The following PRKDC variants were observed in gnomAD, a reference collection of about 807,000 sequenced individuals.
PRKDC encodes DNA-dependent protein kinase catalytic subunit.
A neutral mutation model predicts 486.9 loss-of-function variants in PRKDC; 82 were observed. The observed-to-expected ratio is 0.17, with a 90% confidence interval of 0.14 to 0.20. PRKDC has a LOEUF of 0.20. Among genes scored for constraint, PRKDC ranks in the 10% least tolerant of loss-of-function variants. The pLI, the probability that PRKDC is intolerant of heterozygous loss-of-function variation, is 1.00. For synonymous variants in PRKDC, 1,895 were observed against 1,837.0 expected (o/e 1.03, Z -0.81); for missense variants, 4,504 against 5,038.2 (o/e 0.89, Z 3.21).
Position 47,946,014 on chromosome 8 carries a change from G to A in PRKDC, c.722-1985C>T, listed in dbSNP as rs1199462197. Among the ~76,000 whole-genome samples, 9 of 149,802 alleles carry A rather than the reference G, an allele frequency of 6.0e-5. No individual in the cohort carries two copies. In the East Asian group the frequency reaches 1.1e-3, roughly 18 times the overall value. ...CGGGATTACAGGTGTGAGCCACCAC[G>A]CCCGGCCTACTTCTACTTTTTAAAC... On this transcript the variant is annotated intron_variant, in intron 7 of 85. Coordinates refer to ENST00000314191, the MANE Select transcript of PRKDC (RefSeq NM_006904.7).
Position 47,877,822 on chromosome 8 carries a change from G to A in PRKDC, c.5265C>T (p.Ser1755=). 1 of 1,564,672 alleles carries A rather than the reference G, an allele frequency of 6.4e-7. No homozygotes were observed. ...KFLDALELSQ[S]PMLLELMTEV... ...CTGTCATCAATTCCAACAACATAGGGCTTTGAGATAATTCCAATGCATCTA... is the reference window on the plus strand; with the variant it reads ...CTGTCATCAATTCCAACAACATAGGACTTTGAGATAATTCCAATGCATCTA... The change falls in exon 40 of 86, where the codon AGC becomes AGT. Residue 1755 remains serine, a synonymous_variant. Transcript: ENST00000314191.
chr8:47,957,779 G>T (rs768718849), intron 1 of PRKDC, among the ~76,000 whole-genome samples: 2 of 152,194 alleles, frequency 1.3e-5, no homozygotes, highest in African/African-American at 4.8e-5. Context: ...CTCCCAAAGT[G>T]CTGGGATTAC....
chr8:47,930,864 T>G, intron 16 of PRKDC, 77 bp from the exon 17 acceptor site: 1 of 1,384,162 alleles, frequency 7.2e-7, no homozygotes, highest in East Asian at 2.5e-5. Context: ...TCCAACTGAC[T>G]TCATGGTCAA....
chr8:47,941,037 C>T (rs1049950187), intron 10 of PRKDC, among the ~76,000 whole-genome samples: 2 of 150,580 alleles, frequency 1.3e-5, no homozygotes, highest in Non-Finnish European at 2.9e-5. Flanking sequence ...GGCTGAGGCA[C>T]GAGAATTGCT....
chr8:47,840,957 T>C (rs1426161191), intron 54 of PRKDC, among the ~76,000 whole-genome samples: 1 of 152,120 alleles, frequency 6.6e-6, no homozygotes, highest in Non-Finnish European at 1.5e-5. Context: ...TTCGAAGACA[T>C]CTTTGGAAAG....
rs752166512 is a variant in PRKDC at position 47,936,374 on chromosome 8, G to A, written c.1257C>T (p.Ser419=). The part of the protein sequence containing the change: ...QMPSFLQSVA[S]VLLYLDTVPE... ...TTACTGTGTCAAGGTACAGCAAGAC[G>A]CTTGCAACAGACTGGAGGAAGCTTG... is the stretch of plus-strand genomic sequence containing the variant. The change falls in exon 12 of 86, where the codon AGC becomes AGT. Residue 419 remains serine (S), a synonymous_variant. Coordinates refer to ENST00000314191, the MANE Select transcript of PRKDC (RefSeq NM_006904.7). 8.1e-6 allele frequency: 13 copies of A among 1,613,014 alleles called. No individual in the cohort carries two copies. Among genetic ancestry groups the A allele is most frequent in the African/African-American group, 4.0e-5 (3 of 74,900 alleles).
At chr8:47,780,848 G>T (rs1381097434) in intron 80 of PRKDC, among the ~76,000 whole-genome samples, 1 of 152,142 alleles carries the variant, frequency 6.6e-6, no homozygotes, top group Non-Finnish European at 1.5e-5. Context: ...TGAGGCAGGA[G>T]AATTGCTGGA....
rs2089503157 is a variant in PRKDC, at chr8:47,893,256, G to A, written c.3730C>T (p.Leu1244Phe). Residue 1244 changes from leucine (L) to phenylalanine (F), a missense_variant, in exon 31 of 86, where the codon CTT (leucine) becomes TTT (phenylalanine). Coordinates refer to ENST00000314191, the MANE Select transcript of PRKDC (RefSeq NM_006904.7). ...GILAQPTLLYLRGPFSLQATL... is the reference protein window; with the variant it reads ...GILAQPTLLYFRGPFSLQATL... ...GCCTGCAGGCTGAATGGCCCCCGAA[G>A]GTACAAGAGGGTGGGCTGGGCCAGG... 6.2e-7 allele frequency: 1 copy of A among 1,612,346 alleles called. No homozygotes were observed. The highest frequency in any genetic ancestry group is 1.7e-5 in the Admixed American group (1 of 59,762).
chr8:47,806,205 T>G (rs1356793562), intron 69 of PRKDC, among the ~76,000 whole-genome samples: 1 of 152,218 alleles, frequency 6.6e-6, no homozygotes, highest in Non-Finnish European at 1.5e-5. Flanking sequence ...TGTCATCATG[T>G]GTGCAGCCCC....
chr8:47,780,828 C>G (rs1163402667), intron 80 of PRKDC, among the ~76,000 whole-genome samples: 1 of 152,080 alleles, frequency 6.6e-6, no homozygotes, highest in Admixed American at 6.5e-5. Flanking sequence ...ATCTCAGCTA[C>G]TCGGAAGGCT....
intron 62 of PRKDC, among the ~76,000 whole-genome samples, chr8:47,827,865 C>G (rs111677945): frequency 2.6e-5 from 4 of 152,194 alleles, no homozygotes; most frequent in African/African-American, 9.6e-5. Context: ...TGGTGAAATA[C>G]TACATAAGGA....
chr8:47,780,515 G>A (rs2086681509), intron 80 of PRKDC, among the ~76,000 whole-genome samples: 1 of 152,218 alleles, frequency 6.6e-6, no homozygotes, highest in South Asian at 2.1e-4. Context: ...ACAGTTTCAC[G>A]TGTGACTTAG....
intron 38 of PRKDC, among the ~76,000 whole-genome samples, chr8:47,880,655 AAT>A (rs2089194059): frequency 6.6e-6 from 1 of 152,230 alleles, no homozygotes. Context: ...TTAATAGAAA[AAT>A]GACTGAGTAA....
chr8:47,834,168 T>G, intron 59 of PRKDC, 28 bp downstream of exon 59: 1 of 1,613,548 alleles, frequency 6.2e-7, no homozygotes. Context: ...GGGAAGCTAT[T>G]TTAAGCACAC....
chr8:47,877,941 TC>T, intron 39 of PRKDC, 90 bp from the exon 40 acceptor site: 4 of 949,800 alleles, frequency 4.2e-6, no homozygotes, highest in South Asian at 4.2e-5. Context: ...ATAAAAAGTT[TC>T]TTATATAATA....
At chr8:47,848,400 C>T (rs1415740408) in intron 54 of PRKDC, among the ~76,000 whole-genome samples, 1 of 152,152 alleles carries the variant, frequency 6.6e-6, no homozygotes, top group Non-Finnish European at 1.5e-5. Flanking sequence ...GCAAATACTG[C>T]ATGTACTTAC....
intron 65 of PRKDC, among the ~76,000 whole-genome samples, 176 bp from the exon 66 acceptor site, chr8:47,821,119 A>G (rs1456427894): frequency 1.3e-5 from 2 of 152,228 alleles, no homozygotes; most frequent in East Asian, 3.8e-4. Context: ...TTCATCTAAA[A>G]TAGCTTGTTT....
chr8:47,900,594 G>C, intron 27 of PRKDC, 127 bp from the exon 28 acceptor site: 2 of 738,148 alleles, frequency 2.7e-6, no homozygotes, highest in South Asian at 1.9e-5. Context: ...GGGTGCGGTG[G>C]CTCACGCCTG....
At chr8:47,796,019 C>T (rs1055218592) in intron 73 of PRKDC, among the ~76,000 whole-genome samples, 11 of 151,748 alleles carry the variant, frequency 7.2e-5, no homozygotes, top group Non-Finnish European at 1.5e-4. Flanking sequence ...CTCAGCCTCC[C>T]GAGTAGCTGG....
Sources: gnomAD v4.1 joint callset for allele counts (sites outside exome capture counted in the v4.1 genomes callset) on GRCh38, gnomAD v4.1.1 for gene constraint, MANE v1.5 for transcripts, NCBI Gene and HGNC (gene_info 2026-07-23, HGNC 2026-07-21) for gene names.